The following SYT16 variants were observed in gnomAD, a reference collection of about 807,000 sequenced individuals.
The protein encoded by SYT16 is synaptotagmin 16, also known as synaptotagmin-16.
A neutral mutation model predicts 61.4 loss-of-function variants in SYT16; 42 were observed. The ratio of observed to expected loss-of-function variants is 0.68; its 90% CI spans 0.53 to 0.89. The LOEUF is 0.89. Ranked by LOEUF, SYT16 falls within the 40% of genes least tolerant of loss-of-function variation. The pLI, the probability that SYT16 is intolerant of heterozygous loss-of-function variation, is 0.00. For synonymous variants in SYT16, 314 were observed against 302.3 expected (o/e 1.04, Z -0.40); for missense variants, 804 against 807.3 (o/e 1.00, Z 0.05).
intron 3 of SYT16, among the ~76,000 whole-genome samples, chr14:62,052,799 T>G (rs760721461): frequency 2.0e-5 from 3 of 152,226 alleles, no homozygotes; most frequent in Admixed American, 2.0e-4. Context: ...AGAAGTCAGC[T>G]GTCTGCAGCC....
chr14:61,906,787 GTCCA>G (rs60022651), intron 1 of SYT16, among the ~76,000 whole-genome samples: 35,697 of 142,254 alleles, frequency 0.25, 5,021 homozygotes, highest in East Asian at 0.42. Flanking sequence ...CCGTCCGTCC[GTCCA>G]TCCATCCATC....
intron 5 of SYT16, among the ~76,000 whole-genome samples, chr14:62,078,153 C>CTATATA (rs1437217028): frequency 1.3e-4 from 13 of 101,716 alleles, no homozygotes; most frequent in Admixed American, 3.8e-4. Context: ...CTCTCTCTCT[C>CTATATA]TCTATATATA....
At chr14:62,077,055 T>C (rs898962434) in intron 5 of SYT16, among the ~76,000 whole-genome samples, 3 of 152,230 alleles carry the variant, frequency 2.0e-5, no homozygotes, top group East Asian at 3.8e-4. Context: ...TTCCCGTAAC[T>C]GCCTGCTTTG....
At chr14:61,956,464 C>T (rs542801880) in intron 1 of SYT16, among the ~76,000 whole-genome samples, 12 of 151,990 alleles carry the variant, frequency 7.9e-5, no homozygotes, top group African/African-American at 2.6e-4. Flanking sequence ...TAATCCATTT[C>T]GAGTTGATTT....
At chr14:61,914,728 T>C (rs2049055025) in intron 1 of SYT16, among the ~76,000 whole-genome samples, 1 of 152,208 alleles carries the variant, frequency 6.6e-6, no homozygotes, top group African/African-American at 2.4e-5. Context: ...CATCCATTGC[T>C]TTTACCCAGT....
chr14:61,847,566 A>G (rs886940516), intron 1 of SYT16, among the ~76,000 whole-genome samples: 6 of 152,116 alleles, frequency 3.9e-5, no homozygotes, highest in Non-Finnish European at 7.4e-5. Context: ...TTGGTGTTCT[A>G]TAACCTTCTT....
intron 3 of SYT16, among the ~76,000 whole-genome samples, chr14:62,031,754 G>A (rs1248912573): frequency 3.9e-5 from 6 of 152,018 alleles, no homozygotes; most frequent in Non-Finnish European, 8.8e-5. Context: ...TAGGTAAGAT[G>A]GTAACTTACA....
intron 1 of SYT16, among the ~76,000 whole-genome samples, chr14:61,946,356 C>A (rs949555998): frequency 6.6e-6 from 1 of 152,056 alleles, no homozygotes; most frequent in Non-Finnish European, 1.5e-5. Context: ...CATGGATATG[C>A]GTGGAATATC....
chr14:61,982,678 T>C (rs1003886285), intron 2 of SYT16, among the ~76,000 whole-genome samples: 1 of 152,166 alleles, frequency 6.6e-6, no homozygotes, highest in African/African-American at 2.4e-5. Flanking sequence ...AATGCACATC[T>C]TCTTGCTGGA....
At chr14:62,052,826 C>T (rs1408029176) in intron 3 of SYT16, among the ~76,000 whole-genome samples, 4 of 152,150 alleles carry the variant, frequency 2.6e-5, no homozygotes, top group African/African-American at 9.7e-5. Flanking sequence ...AGGGCCCTCA[C>T]CAGAGCCTAA....
intron 1 of SYT16, among the ~76,000 whole-genome samples, chr14:61,841,894 A>C (rs1333891685): frequency 6.6e-6 from 1 of 152,140 alleles, no homozygotes; most frequent in South Asian, 2.1e-4. Context: ...TATCTATGCC[A>C]TATTTTCTTT....
intron 1 of SYT16, among the ~76,000 whole-genome samples, chr14:61,915,677 A>AT (rs1289619565): frequency 2.6e-5 from 4 of 152,230 alleles, no homozygotes; most frequent in African/African-American, 9.6e-5. Context: ...ACTCTAAAGG[A>AT]AATAGATATC....
intron 1 of SYT16, among the ~76,000 whole-genome samples, chr14:61,921,804 A>T (rs1317051241): frequency 6.6e-6 from 1 of 152,200 alleles, no homozygotes; most frequent in Non-Finnish European, 1.5e-5. Flanking sequence ...CTATGGGGCA[A>T]ACACCTCAAA....
chr14:61,862,850 C>G (rs1355328809), intron 1 of SYT16, among the ~76,000 whole-genome samples: 1 of 152,210 alleles, frequency 6.6e-6, no homozygotes, highest in Non-Finnish European at 1.5e-5. Flanking sequence ...TCCATAATGT[C>G]ATATGGTTGG....
At chr14:62,020,800 G>T (rs2053880183) in intron 3 of SYT16, among the ~76,000 whole-genome samples, 1 of 152,196 alleles carries the variant, frequency 6.6e-6, no homozygotes, top group African/African-American at 2.4e-5. Context: ...CATGTCCCCA[G>T]TGCTGGCACA....
chr14:62,083,012 G>T (rs72718598), intron 6 of SYT16, among the ~76,000 whole-genome samples: 21,848 of 152,170 alleles, frequency 0.14, 1,707 homozygotes, highest in South Asian at 0.23. Context: ...GAGCACAGGA[G>T]GGGGAGTGAG....
chr14:62,029,567 A>G (rs188815761), intron 3 of SYT16, among the ~76,000 whole-genome samples: 55 of 152,292 alleles, frequency 3.6e-4, no homozygotes, highest in Admixed American at 9.8e-4. Flanking sequence ...AGAATAGCAC[A>G]GTTCTTTGAA....
chr14:61,924,520 A>G (rs2140412307), intron 1 of SYT16, among the ~76,000 whole-genome samples: 1 of 152,296 alleles, frequency 6.6e-6, no homozygotes, highest in Admixed American at 6.5e-5. Flanking sequence ...TATTAAATCA[A>G]TTACCTGAAT....
At chr14:61,823,596 A>G (rs1487988051) in intron 1 of SYT16, among the ~76,000 whole-genome samples, 5 of 146,976 alleles carry the variant, frequency 3.4e-5, no homozygotes, top group African/African-American at 1.2e-4. Context: ...AAAAAAAAAA[A>G]GAAGAATTAG....
Sources: gnomAD v4.1 joint callset for allele counts (sites outside exome capture counted in the v4.1 genomes callset) on GRCh38, gnomAD v4.1.1 for gene constraint, MANE v1.5 for transcripts, NCBI Gene and HGNC (gene_info 2026-07-23, HGNC 2026-07-21) for gene names.